Variants in CTNND2 observed in about 807,000 individuals in gnomAD.
CTNND2 encodes catenin delta 2.
CTNND2 carries 22 observed loss-of-function variants against 144.4 expected under a neutral mutation model. The observed-to-expected ratio is 0.15, with a 90% CI of 0.11 to 0.22. CTNND2 has a LOEUF of 0.22. CTNND2 is among the 10% of genes least tolerant of loss of function. The pLI is 1.00. For missense variants in CTNND2, 1,353 were observed against 1,618.8 expected, an observed-to-expected ratio of 0.84 and a Z score of 2.82; for synonymous variants, 751 against 695.6, an observed-to-expected ratio of 1.08 and a Z score of -1.25.
intron 2 of CTNND2, among the ~76,000 whole-genome samples, chr5:11,632,811 A>G (rs955215139): frequency 6.6e-6 from 1 of 152,228 alleles, no homozygotes; most frequent in African/African-American, 2.4e-5. Flanking sequence ...TTATTAAAAA[A>G]TAAATCAAAG....
At chr5:11,398,575 T>C (rs1760347042) in intron 5 of CTNND2, among the ~76,000 whole-genome samples, 1 of 152,044 alleles carries the variant, frequency 6.6e-6, no homozygotes, top group Non-Finnish European at 1.5e-5. Flanking sequence ...TTGGAATCTA[T>C]GCGGTTTCTG....
chr5:11,751,110 A>G (rs1404020586), intron 1 of CTNND2, among the ~76,000 whole-genome samples: 1 of 151,876 alleles, frequency 6.6e-6, no homozygotes, highest in Non-Finnish European at 1.5e-5. Flanking sequence ...AAACCATTAA[A>G]TAATTTAAAA....
chr5:11,412,372 T>A (rs1761612713), intron 3 of CTNND2, among the ~76,000 whole-genome samples: 1 of 152,176 alleles, frequency 6.6e-6, no homozygotes, highest in South Asian at 2.1e-4. Context: ...AGCTTCTCTA[T>A]ACATGCAGTT....
rs562171741 is a variant in CTNND2 at position 11,607,302 on chromosome 5, C to T, written c.175-42246G>A. 1.8e-3 allele frequency among the ~76,000 whole-genome samples: 271 copies of T among 152,204 alleles called. 1 individual carries two copies. Among genetic ancestry groups the T allele is most frequent in the South Asian group, 7.5e-3 (36 of 4,828 alleles). ...ATAGCAGCCCTAACAAACTAATTCA[C>T]GCACATAATACTGTGAAGTCGATAC... is the stretch of plus-strand genomic sequence containing the variant. On this transcript the variant is annotated intron_variant, in intron 2 of 21. Transcript: ENST00000304623.
intron 11 of CTNND2, among the ~76,000 whole-genome samples, chr5:11,167,855 C>T (rs1471817588): frequency 1.3e-5 from 2 of 150,590 alleles, no homozygotes; most frequent in Non-Finnish European, 3.0e-5. Flanking sequence ...CATGCACGTG[C>T]TACCATACCT....
At position 10,997,165 on chromosome 5, in the gene CTNND2, C is replaced by A. The variant is rs558296190; in HGVS notation, c.3085-4488G>T. Among the ~76,000 whole-genome samples the A allele has an allele frequency of 1.6e-3, 244 of 152,206 alleles. 3 individuals carry two copies. The highest frequency in any genetic ancestry group is 5.7e-3 in the African/African-American group (238 of 41,524). ...AGGAGAAAATGTCTCCACTGGAGTT[C>A]TGTGGGGTTCTCTGAAATCCTCCGG... is the stretch of plus-strand genomic sequence containing the variant. On this transcript the variant is annotated intron_variant, in intron 18 of 21. Transcript: ENST00000304623.
chr5:11,428,056 C>T (rs1049303658), intron 3 of CTNND2, among the ~76,000 whole-genome samples: 12 of 152,138 alleles, frequency 7.9e-5, no homozygotes, highest in Non-Finnish European at 1.6e-4. Context: ...GTGAGACTCA[C>T]TCACCACCAC....
At chr5:11,395,165 G>A (rs1377432042) in intron 6 of CTNND2, among the ~76,000 whole-genome samples, 1 of 152,054 alleles carries the variant, frequency 6.6e-6, no homozygotes, top group African/African-American at 2.4e-5. Context: ...TTCTCTCAAG[G>A]GTATAACACT....
At chr5:11,545,237 G>C (rs1399943130) in intron 3 of CTNND2, among the ~76,000 whole-genome samples, 1 of 151,598 alleles carries the variant, frequency 6.6e-6, no homozygotes, top group African/African-American at 2.4e-5. Context: ...AAGGAGAATC[G>C]CTTGAACCTG....
chr5:11,452,230 T>A (rs1216844691), intron 3 of CTNND2, among the ~76,000 whole-genome samples: 2 of 152,248 alleles, frequency 1.3e-5, no homozygotes, highest in Admixed American at 6.5e-5. Flanking sequence ...TTGCTTTTTT[T>A]ATCCTGGTTT....
chr5:11,713,923 AC>A (rs1258284642), intron 2 of CTNND2, among the ~76,000 whole-genome samples: 3 of 148,266 alleles, frequency 2.0e-5, no homozygotes, highest in African/African-American at 7.7e-5. Context: ...GGCATAGGAC[AC>A]TGGGGACAGC....
At chr5:11,394,859 C>G (rs1250328111) in intron 6 of CTNND2, among the ~76,000 whole-genome samples, 1 of 152,028 alleles carries the variant, frequency 6.6e-6, no homozygotes, top group Admixed American at 6.6e-5. Context: ...AATTTACGAA[C>G]CAGATAAAAA....
chr5:11,407,128 GAA>G (rs1364389919), intron 5 of CTNND2, among the ~76,000 whole-genome samples: 1 of 152,152 alleles, frequency 6.6e-6, no homozygotes, highest in African/African-American at 2.4e-5. Context: ...ATAGATTAAA[GAA>G]AGTACTTGGT....
intron 12 of CTNND2, among the ~76,000 whole-genome samples, chr5:11,144,383 C>T (rs973029739): frequency 4.6e-5 from 7 of 152,088 alleles, no homozygotes; most frequent in Admixed American, 1.3e-4. Flanking sequence ...TCGGGGAGCT[C>T]GGGAAGGTTT....
intron 1 of CTNND2, among the ~76,000 whole-genome samples, chr5:11,893,085 A>G (rs1435930794): frequency 6.6e-6 from 1 of 152,210 alleles, no homozygotes; most frequent in South Asian, 2.1e-4. Flanking sequence ...GCACTACTGT[A>G]AAATGCATGA....
intron 16 of CTNND2, among the ~76,000 whole-genome samples, chr5:11,078,607 T>C (rs1039781597): frequency 2.2e-4 from 34 of 152,178 alleles, no homozygotes; most frequent in Non-Finnish European, 4.4e-4. Flanking sequence ...TTTTGTTATA[T>C]TTTAATCCAC....
intron 11 of CTNND2, among the ~76,000 whole-genome samples, chr5:11,177,801 TTAGA>T (rs1171431032): frequency 6.6e-6 from 1 of 152,184 alleles, no homozygotes; most frequent in Non-Finnish European, 1.5e-5. Flanking sequence ...ATGGCAATAA[TTAGA>T]TAGAAGTGCC....
At chr5:11,357,478 G>C (rs979774329) in intron 8 of CTNND2, among the ~76,000 whole-genome samples, 2 of 151,994 alleles carry the variant, frequency 1.3e-5, no homozygotes, top group African/African-American at 4.8e-5. Flanking sequence ...ATCTAAAAAA[G>C]AAGCTGATAT....
chr5:11,309,285 A>G (rs537759878), intron 9 of CTNND2, among the ~76,000 whole-genome samples: 7 of 152,228 alleles, frequency 4.6e-5, no homozygotes, highest in Non-Finnish European at 1.0e-4. Context: ...CCAGCCCATG[A>G]AAGCAGCTGA....
Sources: gnomAD v4.1 joint callset for allele counts (sites outside exome capture counted in the v4.1 genomes callset) on GRCh38, gnomAD v4.1.1 for gene constraint, MANE v1.5 for transcripts, NCBI Gene and HGNC (gene_info 2026-07-23, HGNC 2026-07-21) for gene names.